The following KDM3B variants were observed in gnomAD, a reference collection of about 807,000 sequenced individuals.
KDM3B encodes lysine demethylase 3B.
In KDM3B, 10 loss-of-function variants were observed where a neutral mutation model predicts 170.0. The ratio of observed to expected loss-of-function variants is 0.06; its 90% CI spans 0.04 to 0.10. KDM3B has a LOEUF of 0.10. KDM3B is among the 10% of genes least tolerant of loss of function. The pLI is 1.00. For missense variants in KDM3B, 1,394 were observed against 2,195.2 expected (o/e 0.64, Z 7.29); for synonymous variants, 831 against 834.8 (o/e 1.00, Z 0.08).
intron 11 of KDM3B, among the ~76,000 whole-genome samples, chr5:138,400,226 G>A (rs1200226690): frequency 1.3e-5 from 2 of 150,012 alleles, no homozygotes; most frequent in East Asian, 4.0e-4. Flanking sequence ...ATTTTTCCTT[G>A]GTTTTTTTTT....
At chr5:138,386,652 T>C in intron 7 of KDM3B, 31 bp downstream of exon 7, 2 of 1,590,918 alleles carry the variant, frequency 1.3e-6, no homozygotes, top group Non-Finnish European at 1.7e-6. Flanking sequence ...ATTTGCAAGA[T>C]TTGGGTTTAC....
chr5:138,379,144 C>A lies in KDM3B; in HGVS notation c.581-440C>A, dbSNP rs114020438. On this transcript the variant is annotated intron_variant, in intron 4 of 23. Coordinates refer to ENST00000314358, the MANE Select transcript of KDM3B (RefSeq NM_016604.4). ...AGTCAGATACCAGAATGTAAATGGT[C>A]ATATATAAACATAACATAACATAAC... 4.5e-3 allele frequency among the ~76,000 whole-genome samples: 681 copies of A among 152,272 alleles called. 6 individuals carry two copies. Among genetic ancestry groups the A allele is most frequent in the African/African-American group, 0.015 (633 of 41,562 alleles).
chr5:138,410,720 T>C (rs1014592676), intron 11 of KDM3B, among the ~76,000 whole-genome samples: 1 of 152,168 alleles, frequency 6.6e-6, no homozygotes, highest in Non-Finnish European at 1.5e-5. Context: ...GTAAAGAGTG[T>C]GAGTCATCTC....
chr5:138,372,278 A>G (rs1401115287), intron 1 of KDM3B, among the ~76,000 whole-genome samples: 1 of 152,244 alleles, frequency 6.6e-6, no homozygotes, highest in Non-Finnish European at 1.5e-5. Context: ...TTCCTATTGG[A>G]TTATGAGCTT....
intron 11 of KDM3B, among the ~76,000 whole-genome samples, chr5:138,400,302 A>T (rs1762650317): frequency 6.6e-6 from 1 of 151,752 alleles, no homozygotes; most frequent in African/African-American, 2.4e-5. Context: ...CGGCACAATC[A>T]TGGCTTACTG....
chr5:138,360,871 C>T (rs537938253), intron 1 of KDM3B, among the ~76,000 whole-genome samples: 41 of 152,282 alleles, frequency 2.7e-4, no homozygotes, highest in South Asian at 1.5e-3. Context: ...GGATTACAGG[C>T]GTGAGCCACC....
Position 138,391,800 on chromosome 5 carries a change from G to A in KDM3B, c.2168G>A (p.Gly723Asp), listed in dbSNP as rs757871604. Residue 723 changes from glycine (G) to aspartate (D), a missense_variant, in exon 8 of 24, where the codon GGC becomes GAC. This residue lies in a region of KDM3B where 294 missense variants were observed against 311.7 expected (regional missense o/e 0.94). Coordinates refer to ENST00000314358, the MANE Select transcript of KDM3B (RefSeq NM_016604.4). This position sits in a 1 kb window ranked among gnomAD's most constrained non-coding sequence, Gnocchi z 5.0. Reference sequence around the variant, plus strand: ...CCAAGCCTCTCTGCCATGGGGAATGGCCGCTCCAGCTCGCCCACCAGCAGC... The same window carrying A: ...CCAAGCCTCTCTGCCATGGGGAATGACCGCTCCAGCTCGCCCACCAGCAGC... ...GGPSLSAMGNGRSSSPTSSLT... is the reference protein window; with the variant it reads ...GGPSLSAMGNDRSSSPTSSLT... 2 of 1,614,044 alleles carry A rather than the reference G, an allele frequency of 1.2e-6. No individual in the cohort carries two copies. The highest frequency in any genetic ancestry group is 2.2e-5 in the South Asian group (2 of 91,076).
chr5:138,421,087 T>G, intron 15 of KDM3B, 125 bp downstream of exon 15: 2 of 1,153,382 alleles, frequency 1.7e-6, no homozygotes, highest in Non-Finnish European at 2.5e-6. Context: ...TGACAAGGTC[T>G]CTCTTTAAAG....
intron 3 of KDM3B, among the ~76,000 whole-genome samples, chr5:138,376,699 A>T (rs1277063756): frequency 6.7e-6 from 1 of 149,610 alleles, no homozygotes. Context: ...GTGAGACTCC[A>T]TCTCAAGAAA....
chr5:138,398,446 T>A, intron 10 of KDM3B, 54 bp downstream of exon 10: 1 of 1,499,562 alleles, frequency 6.7e-7, no homozygotes, highest in Non-Finnish European at 9.2e-7. Context: ...AACTTTTATT[T>A]TCTTTCACTT....
intron 23 of KDM3B, among the ~76,000 whole-genome samples, chr5:138,432,710 C>G (rs1347221479): frequency 6.6e-6 from 1 of 152,158 alleles, no homozygotes; most frequent in Non-Finnish European, 1.5e-5. Flanking sequence ...TCTAGGCTTT[C>G]ACTGTGGCCT....
intron 9 of KDM3B, among the ~76,000 whole-genome samples, chr5:138,396,338 G>GC (rs1561776911): frequency 6.6e-6 from 1 of 151,714 alleles, no homozygotes; most frequent in African/African-American, 2.4e-5. Flanking sequence ...CTCGTGATCC[G>GC]CCCGCCTCAG....
chr5:138,399,453 G>A lies in KDM3B; in HGVS notation c.3047-407G>A, dbSNP rs559333947. Among the ~76,000 whole-genome samples the A allele has an allele frequency of 4.6e-5, 7 of 151,900 alleles. No homozygotes were observed. The East Asian group carries it at 9.9e-4, about 21-fold the overall frequency. On this transcript the variant is annotated intron_variant, in intron 10 of 23. Coordinates refer to ENST00000314358, the MANE Select transcript of KDM3B (RefSeq NM_016604.4). ...CTCGGGAGGCTGAGGCAGGTGAATG[G>A]TATGAACCCGGGAGGCGGAGCTTGC... is the stretch of plus-strand genomic sequence containing the variant.
intron 11 of KDM3B, among the ~76,000 whole-genome samples, chr5:138,406,105 G>A (rs565115579): frequency 6.6e-6 from 1 of 152,336 alleles, no homozygotes; most frequent in African/African-American, 2.4e-5. Flanking sequence ...CCAACACTTT[G>A]AGAAGTCAAG....
At chr5:138,383,224 C>T (rs1041154079) in intron 6 of KDM3B, among the ~76,000 whole-genome samples, 7 of 151,866 alleles carry the variant, frequency 4.6e-5, no homozygotes, top group East Asian at 3.9e-4. Flanking sequence ...CTGCAACCTC[C>T]GCCTCCCGGG....
intron 9 of KDM3B, among the ~76,000 whole-genome samples, chr5:138,394,428 AATAAG>A (rs1359979486): frequency 2.0e-5 from 3 of 152,140 alleles, no homozygotes; most frequent in African/African-American, 7.2e-5. Context: ...CTATGAGAAA[AATAAG>A]GAAAGAGGAT....
At chr5:138,377,299 C>G (rs529923553) in intron 3 of KDM3B, among the ~76,000 whole-genome samples, 2 of 152,324 alleles carry the variant, frequency 1.3e-5, no homozygotes, top group African/African-American at 4.8e-5. Context: ...AAGTTTCTTT[C>G]CTGTGTGACT....
At chr5:138,359,120 A>T (rs1024234729) in intron 1 of KDM3B, among the ~76,000 whole-genome samples, 6 of 151,926 alleles carry the variant, frequency 3.9e-5, no homozygotes, top group Admixed American at 2.6e-4. Context: ...AAAGGACATG[A>T]ACTCATCATT....
Position 138,419,099 on chromosome 5 carries a change from A to C in KDM3B, c.3582A>C (p.Thr1194=). 1 of 1,614,246 alleles carries C rather than the reference A, an allele frequency of 6.2e-7. No individual in the cohort carries two copies. The highest frequency in any genetic ancestry group is 8.5e-7 in the Non-Finnish European group (1 of 1,180,048). ...TDIRSEEPLK[T]DSSASNSNSE... ...TCAGATCTGAAGAGCCTCTGAAAAC[A>C]GACAGTTCGGCATCAAATAGCAATA... Residue 1194 remains threonine, a synonymous_variant, in exon 14 of 24, where the codon ACA becomes ACC. Transcript: ENST00000314358.
Sources: allele counts gnomAD v4.1 joint callset (sites outside exome capture counted in the v4.1 genomes callset), GRCh38; gene constraint gnomAD v4.1.1; regional missense constraint gnomAD v4.1.1; non-coding constraint Gnocchi (gnomAD v3.1); transcripts MANE v1.5; gene names NCBI Gene and HGNC (gene_info 2026-07-23, HGNC 2026-07-21).